PLPP4: variants seen among roughly 807,000 people sequenced by gnomAD.
The protein encoded by PLPP4 is diacylglycerol pyrophosphate like 2.
A neutral mutation model predicts 32.2 loss-of-function variants in PLPP4; 20 were observed. That is an observed-to-expected ratio of 0.62 (90% CI 0.44 to 0.90). The LOEUF (loss-of-function observed/expected upper bound fraction) is 0.90. PLPP4 is among the 40% of genes least tolerant of loss of function. PLPP4 has a pLI of 0.00. For synonymous variants in PLPP4, 127 were observed against 133.0 expected, an observed-to-expected ratio of 0.95 and a Z score of 0.31; for missense variants, 257 against 353.1, an observed-to-expected ratio of 0.73 and a Z score of 2.18.
intron 1 of PLPP4, among the ~76,000 whole-genome samples, chr10:120,503,393 C>T (rs958182433): frequency 2.6e-5 from 4 of 152,178 alleles, no homozygotes; most frequent in Admixed American, 6.5e-5. Context: ...TTTCATTGAC[C>T]AACCGATGAA....
intron 5 of PLPP4, among the ~76,000 whole-genome samples, chr10:120,543,843 A>G (rs996042015): frequency 1.3e-5 from 2 of 152,214 alleles, no homozygotes; most frequent in Non-Finnish European, 2.9e-5. Context: ...TAGGTCCCTC[A>G]TATAAATGGA....
intron 5 of PLPP4, among the ~76,000 whole-genome samples, chr10:120,545,761 T>C (rs1453017617): frequency 6.6e-6 from 1 of 152,120 alleles, no homozygotes; most frequent in African/African-American, 2.4e-5. Context: ...GTCAACTTGA[T>C]TGGGTTGAAG....
intron 5 of PLPP4, among the ~76,000 whole-genome samples, chr10:120,546,231 C>T (rs551823711): frequency 1.3e-5 from 2 of 152,170 alleles, no homozygotes; most frequent in African/African-American, 4.8e-5. Flanking sequence ...TTCATATATA[C>T]GTCTATCCTA....
At chr10:120,562,184 A>G (rs1848467006) in intron 5 of PLPP4, among the ~76,000 whole-genome samples, 1 of 152,096 alleles carries the variant, frequency 6.6e-6, no homozygotes, top group Non-Finnish European at 1.5e-5. Flanking sequence ...GGTGTTTTAT[A>G]TTCTTATTGC....
At chr10:120,505,609 G>A (rs1845456997) in intron 2 of PLPP4, among the ~76,000 whole-genome samples, 1 of 152,182 alleles carries the variant, frequency 6.6e-6, no homozygotes, top group African/African-American at 2.4e-5. Flanking sequence ...TCTTGGAAAT[G>A]CCCATAATGC....
At chr10:120,555,840 G>A (rs955463845) in intron 5 of PLPP4, among the ~76,000 whole-genome samples, 7 of 152,186 alleles carry the variant, frequency 4.6e-5, no homozygotes, top group Admixed American at 1.3e-4. Flanking sequence ...GGATCACAAG[G>A]TGAAAAAGAC....
intron 6 of PLPP4, among the ~76,000 whole-genome samples, chr10:120,585,362 A>G (rs1263288197): frequency 6.6e-6 from 1 of 152,174 alleles, no homozygotes; most frequent in Non-Finnish European, 1.5e-5. Flanking sequence ...TAAGTTCCTT[A>G]GAAGTTTATT....
chr10:120,581,187 A>G (rs1849494337), intron 6 of PLPP4: 3 of 985,458 alleles, frequency 3.0e-6, no homozygotes, highest in Non-Finnish European at 3.6e-6. Flanking sequence ...TTCCCAGGGA[A>G]GATGGACGTT....
chr10:120,463,412 G>A (rs910851340), intron 1 of PLPP4, among the ~76,000 whole-genome samples: 4 of 152,168 alleles, frequency 2.6e-5, no homozygotes, highest in Admixed American at 6.5e-5. Context: ...CTGTGTTTGG[G>A]TTTCAGCTCT....
At chr10:120,464,782 A>G (rs1295087363) in intron 1 of PLPP4, among the ~76,000 whole-genome samples, 1 of 152,230 alleles carries the variant, frequency 6.6e-6, no homozygotes, top group Non-Finnish European at 1.5e-5. Flanking sequence ...ACAGGGCTCA[A>G]TTAGAAGCCA....
rs145524354 is a variant in PLPP4, at chr10:120,496,617, A to G, written c.57-7201A>G. ...AATTCCACGATCTGTTGTGACCCAG[A>G]TTATACAATCTGTAATCTCCATAAG... On this transcript the variant is annotated intron_variant, in intron 1 of 6. Transcript: ENST00000398250. Among the ~76,000 whole-genome samples the G allele has an allele frequency of 4.6e-5, 7 of 152,314 alleles. No homozygotes were observed. In the East Asian group the frequency reaches 1.4e-3, roughly 29 times the overall value.
intron 2 of PLPP4, among the ~76,000 whole-genome samples, chr10:120,510,884 A>G (rs910268844): frequency 6.6e-6 from 1 of 152,124 alleles, no homozygotes; most frequent in African/African-American, 2.4e-5. Flanking sequence ...ATGAGACACT[A>G]GGGCCCATTG....
chr10:120,542,110 G>C (rs555714541), intron 5 of PLPP4, among the ~76,000 whole-genome samples: 5 of 152,318 alleles, frequency 3.3e-5, no homozygotes, highest in Admixed American at 3.3e-4. Flanking sequence ...AGCACAGCAA[G>C]GCGCTGTTGC....
At chr10:120,474,274 A>G (rs1312412997) in intron 1 of PLPP4, among the ~76,000 whole-genome samples, 2 of 152,114 alleles carry the variant, frequency 1.3e-5, no homozygotes, top group Non-Finnish European at 2.9e-5. Context: ...TTATATTTTA[A>G]AAAAATTTAT....
At chr10:120,483,713 T>C (rs528371226) in intron 1 of PLPP4, among the ~76,000 whole-genome samples, 1 of 152,208 alleles carries the variant, frequency 6.6e-6, no homozygotes, top group East Asian at 1.9e-4. Flanking sequence ...TCCTTGGGGA[T>C]GGGGTGAGTT....
intron 5 of PLPP4, among the ~76,000 whole-genome samples, chr10:120,565,315 GGTGTGTGTGTGTGTGTGTGTGTGT>G (rs58655566): frequency 0.053 from 7,515 of 142,710 alleles, 225 homozygotes; most frequent in Admixed American, 0.1. Context: ...TTGTTTGTGT[GGTGTGTGTGTGTGTGTGTGTGTGT>G]GTGTGTGTGT....
intron 3 of PLPP4, among the ~76,000 whole-genome samples, chr10:120,514,373 A>T (rs1845854683): frequency 6.6e-6 from 1 of 152,192 alleles, no homozygotes; most frequent in Non-Finnish European, 1.5e-5. Context: ...GACCCACATT[A>T]TGGGCAATTC....
At position 120,486,208 on chromosome 10, in the gene PLPP4, C is replaced by T. The variant is rs116198222; in HGVS notation, c.57-17610C>T. On this transcript the variant is annotated intron_variant, in intron 1 of 6. Coordinates refer to ENST00000398250, the MANE Select transcript of PLPP4 (RefSeq NM_001030059.3). Reference sequence around the variant, plus strand: ...CTAGTGTTGCCAATAGTCTTAAATTCGGGCAGCCCCGTCAACCTCCATCTG... The same window carrying T: ...CTAGTGTTGCCAATAGTCTTAAATTTGGGCAGCCCCGTCAACCTCCATCTG... Among the ~76,000 whole-genome samples the T allele has an allele frequency of 3.6e-4, 54 of 152,020 alleles. 1 individual carries two copies. The highest frequency in any genetic ancestry group is 1.3e-3 in the African/African-American group (52 of 41,466).
chr10:120,474,399 A>G (rs1005904548), intron 1 of PLPP4, among the ~76,000 whole-genome samples: 3 of 152,182 alleles, frequency 2.0e-5, no homozygotes, highest in African/African-American at 7.2e-5. Flanking sequence ...TCAGCTCAGA[A>G]TTTACTTTTC....
Sources: allele counts gnomAD v4.1 joint callset (sites outside exome capture counted in the v4.1 genomes callset), GRCh38; gene constraint gnomAD v4.1.1; transcripts MANE v1.5; gene names NCBI Gene and HGNC (gene_info 2026-07-23, HGNC 2026-07-21).